Variants in CACNA1B observed in about 807,000 individuals in gnomAD.
CACNA1B encodes the protein voltage-dependent N-type calcium channel subunit alpha-1B.
CACNA1B carries 70 observed loss-of-function variants against 247.2 expected under a neutral mutation model. The observed-to-expected ratio is 0.28, with a 90% CI of 0.23 to 0.35. The LOEUF (loss-of-function observed/expected upper bound fraction) is 0.35. CACNA1B is among the 10% of genes least tolerant of loss of function. The pLI, the probability that CACNA1B is intolerant of heterozygous loss-of-function variation, is 1.00. For missense variants in CACNA1B, 2,367 were observed against 3,197.4 expected (o/e 0.74, Z 6.26); for synonymous variants, 1,231 against 1,294.4 (o/e 0.95, Z 1.05).
In CACNA1B at chr9:137,914,874, T is replaced by C. The variant is rs1957393568; in HGVS notation, c.775+68T>C. On this transcript the variant is annotated intron_variant, in intron 5 of 46. Coordinates refer to ENST00000371372, the MANE Select transcript of CACNA1B (RefSeq NM_000718.4). The surrounding 1 kb of genome is among the most constrained non-coding windows in gnomAD (Gnocchi z 4.3). Reference sequence around the variant, plus strand: ...ATGCGTTCATCCAGGAGATGGGCACTGTTCTAGGTGCTAGAGGGGCCTTCT... The same window carrying C: ...ATGCGTTCATCCAGGAGATGGGCACCGTTCTAGGTGCTAGAGGGGCCTTCT... The C allele has an allele frequency of 1.9e-6, 3 of 1,558,546 alleles. No homozygotes were observed. Among genetic ancestry groups the C allele is most frequent in the African/African-American group, 1.4e-5 (1 of 74,010 alleles).
In CACNA1B at chr9:138,019,949, T is replaced by C. The variant is rs532566203; in HGVS notation, c.2268-3062T>C. Among the ~76,000 whole-genome samples the C allele has an allele frequency of 1.9e-4, 29 of 151,708 alleles. No individual in the cohort carries two copies. The South Asian group carries it at 4.2e-3, about 22-fold the overall frequency. ...CCTGTCTCTACTAAATACAAAAAAT[T>C]AGCCGTGAGTGGTGGCGGGCGCCTG... On this transcript the variant is annotated intron_variant, in intron 18 of 46. Transcript: ENST00000371372.
Position 137,888,609 on chromosome 9 carries a change from C to G in CACNA1B, c.530+5726C>G, listed in dbSNP as rs1447665846. The stretch of plus-strand genomic sequence containing the variant: ...TTTAGTCTAAATTAAACTGGGATTT[C>G]TTTCCAGGACATGTAATTAGAGCCC... On this transcript the variant is annotated intron_variant, in intron 3 of 46. Coordinates refer to ENST00000371372, the MANE Select transcript of CACNA1B (RefSeq NM_000718.4). The surrounding 1 kb of genome is among the most constrained non-coding windows in gnomAD (Gnocchi z 4.7). Among the ~76,000 whole-genome samples the G allele has an allele frequency of 1.3e-5, 2 of 152,200 alleles. No individual in the cohort carries two copies. Among genetic ancestry groups the G allele is most frequent in the Non-Finnish European group, 2.9e-5 (2 of 68,030 alleles).
chr9:137,987,816 C>T (rs1046054252), intron 15 of CACNA1B, among the ~76,000 whole-genome samples: 1 of 152,210 alleles, frequency 6.6e-6, no homozygotes, highest in African/African-American at 2.4e-5. Flanking sequence ...CCCTTTCTCA[C>T]ATCTTCCCAC....
chr9:137,878,267 G>A, intron 1 of CACNA1B, 50 bp downstream of exon 1: 2 of 1,148,902 alleles, frequency 1.7e-6, no homozygotes, highest in East Asian at 3.3e-5. Flanking sequence ...CCGGGGTGGG[G>A]GCCGGGGCCG....
chr9:137,932,229 T>G (rs1165323384), intron 6 of CACNA1B, among the ~76,000 whole-genome samples: 1 of 152,154 alleles, frequency 6.6e-6, no homozygotes, highest in Non-Finnish European at 1.5e-5. Flanking sequence ...GCCTGCTAAC[T>G]CCCGTTTCTA....
At chr9:137,907,864 A>T (rs2133269014) in intron 3 of CACNA1B, among the ~76,000 whole-genome samples, 1 of 152,192 alleles carries the variant, frequency 6.6e-6, no homozygotes, top group Admixed American at 6.5e-5. Flanking sequence ...CCTGGAATTT[A>T]TGTGTGAGTG....
chr9:137,916,464 T>C (rs1161490342), intron 5 of CACNA1B, among the ~76,000 whole-genome samples: 1 of 152,224 alleles, frequency 6.6e-6, no homozygotes, highest in East Asian at 1.9e-4. Flanking sequence ...CCCCTCTTTC[T>C]CTGGTCCCTG....
intron 36 of CACNA1B, among the ~76,000 whole-genome samples, chr9:138,095,073 A>G (rs1961012686): frequency 6.6e-6 from 1 of 152,226 alleles, no homozygotes; most frequent in Admixed American, 6.5e-5. Context: ...TAGATTTGAC[A>G]CCAAAATCAT....
chr9:138,046,727 TCCGTCA>T (rs1340372203), intron 21 of CACNA1B, among the ~76,000 whole-genome samples, 171 bp from the exon 22 acceptor site: 6 of 152,240 alleles, frequency 3.9e-5, no homozygotes, highest in African/African-American at 1.4e-4. Context: ...TCAGCCACTG[TCCGTCA>T]CCTGGCTGCC....
In CACNA1B at chr9:138,121,187, CTG is replaced by C; in HGVS notation, c.6490-279_6490-278del. Among the ~76,000 whole-genome samples, 1 of 152,306 alleles carries C rather than the reference CTG, an allele frequency of 6.6e-6. No individual in the cohort carries two copies. The highest frequency in any genetic ancestry group is 2.1e-4 in the South Asian group (1 of 4,832). On this transcript the variant is annotated intron_variant, in intron 46 of 46. Transcript: ENST00000371372. The surrounding 1 kb of genome is among the most constrained non-coding windows in gnomAD (Gnocchi z 6.8). ...CGGTCACTTAACTCTCCTTCCCTGACTGTGGTCGTTGGGCTTTTGTTCTGTCC... is the reference window on the plus strand; with the variant it reads ...CGGTCACTTAACTCTCCTTCCCTGACTGGTCGTTGGGCTTTTGTTCTGTCC...
At chr9:138,101,647 G>A (rs901701890) in intron 37 of CACNA1B, among the ~76,000 whole-genome samples, 7 of 152,244 alleles carry the variant, frequency 4.6e-5, no homozygotes, top group Non-Finnish European at 8.8e-5. Flanking sequence ...GTCCCTGGGG[G>A]AGGAAAGGGC....
chr9:137,976,158 G>A (rs1388179350), intron 12 of CACNA1B, 139 bp downstream of exon 12: 2 of 630,282 alleles, frequency 3.2e-6, no homozygotes, highest in South Asian at 1.9e-5. Context: ...AAGACAGTGA[G>A]GAGCAGGGGG....
intron 6 of CACNA1B, among the ~76,000 whole-genome samples, chr9:137,939,547 C>T (rs530628179): frequency 1.4e-4 from 22 of 152,116 alleles, no homozygotes; most frequent in African/African-American, 4.8e-4. Context: ...CACCTGTAAT[C>T]CCAGCACTTT....
Position 138,121,726 on chromosome 9 carries a change from C to A in CACNA1B, c.6747C>A (p.Ala2249=). 6.2e-7 allele frequency: 1 copy of A among 1,613,452 alleles called. No homozygotes were observed. The highest frequency in any genetic ancestry group is 8.5e-7 in the Non-Finnish European group (1 of 1,179,876). Residue 2249 remains alanine, a synonymous_variant, in exon 47 of 47, where the codon GCC becomes GCA. Coordinates refer to ENST00000371372, the MANE Select transcript of CACNA1B (RefSeq NM_000718.4). This position sits in a 1 kb window ranked among gnomAD's most constrained non-coding sequence, Gnocchi z 6.8. ...GAGACCCCCTCAGCCAGCCCCTGGC[C>A]CCTGGCTCTCGAATTGGCTCTGACC... ...LQRDPLSQPL[A]PGSRIGSDPY... is the part of the protein sequence containing the mutation.
intron 20 of CACNA1B, among the ~76,000 whole-genome samples, chr9:138,041,194 G>T (rs898747238): frequency 6.6e-6 from 1 of 152,128 alleles, no homozygotes; most frequent in Admixed American, 6.5e-5. Context: ...CCCGCTTTGG[G>T]GATGATTCCT....
At chr9:138,034,807 T>C (rs1157037152) in intron 20 of CACNA1B, among the ~76,000 whole-genome samples, 1 of 152,222 alleles carries the variant, frequency 6.6e-6, no homozygotes, top group Non-Finnish European at 1.5e-5. Context: ...CCCTTATCCA[T>C]GGTTTTACTT....
intron 31 of CACNA1B, among the ~76,000 whole-genome samples, chr9:138,064,195 T>G (rs540601984): frequency 6.6e-6 from 1 of 152,338 alleles, no homozygotes; most frequent in South Asian, 2.1e-4. Flanking sequence ...CTTTCTCCAG[T>G]GTGCAATTTC....
Position 138,112,373 on chromosome 9 carries a change from C to T in CACNA1B, c.5429-25C>T, listed in dbSNP as rs1304904083. 1.9e-6 allele frequency: 3 copies of T among 1,567,374 alleles called. No homozygotes were observed. In the Admixed American group the frequency reaches 5.0e-5, roughly 26 times the overall value. On this transcript the variant is annotated intron_variant, in intron 39 of 46. Coordinates refer to ENST00000371372, the MANE Select transcript of CACNA1B (RefSeq NM_000718.4). ...GCTCCTAACATCTCTGTCTTTTCCC[C>T]TTCCCCACCATCATCCTGGTGCAGC...
At position 137,987,665 on chromosome 9, in the gene CACNA1B, A is replaced by C. The variant is rs1418878146; in HGVS notation, c.1974+811A>C. Among the ~76,000 whole-genome samples the C allele has an allele frequency of 2.0e-5, 3 of 152,164 alleles. No homozygotes were observed. In the South Asian group the frequency reaches 6.2e-4, roughly 32 times the overall value. ...CCCTTGGTCAGGGCTGGAGCCTACA[A>C]CTTGTGTGAAGAGAGGGGCCCTTTC... On this transcript the variant is annotated intron_variant, in intron 15 of 46. Coordinates refer to ENST00000371372, the MANE Select transcript of CACNA1B (RefSeq NM_000718.4).
Sources: gnomAD v4.1 joint callset for allele counts (sites outside exome capture counted in the v4.1 genomes callset) on GRCh38, gnomAD v4.1.1 for gene constraint, Gnocchi (gnomAD v3.1) non-coding constraint, MANE v1.5 for transcripts, NCBI Gene and HGNC (gene_info 2026-07-23, HGNC 2026-07-21) for gene names.